Variants in MANBA observed in about 807,000 individuals in gnomAD.
MANBA encodes the protein beta-mannosidase.
Under a neutral mutation model 111.1 loss-of-function variants are expected in MANBA, and 83 were observed. That is an observed-to-expected ratio of 0.75 (90% confidence interval 0.63 to 0.90). The LOEUF (loss-of-function observed/expected upper bound fraction) is 0.90. MANBA is among the 40% of genes least tolerant of loss of function. The pLI, the probability that MANBA is intolerant of heterozygous loss-of-function variation, is 0.00. For synonymous variants in MANBA, 370 were observed against 378.7 expected (o/e 0.98, Z 0.27); for missense variants, 1,036 against 1,069.0 (o/e 0.97, Z 0.43).
Position 102,751,713 on chromosome 4 carries a change from T to C in MANBA, c.177+9005A>G, listed in dbSNP as rs1723807810. On this transcript the variant is annotated intron_variant, in intron 1 of 16. Coordinates refer to ENST00000647097, the MANE Select transcript of MANBA (RefSeq NM_005908.4). ...CATGTTCCATGATGACTGGATCCTT[T>C]CAGTTAAAGGGGCAAAGGAATGGAT... 2.6e-5 allele frequency: 14 copies of C among 542,238 alleles called. 1 individual carries two copies. Among genetic ancestry groups the C allele is most frequent in the South Asian group, 1.9e-4 (14 of 72,496 alleles). The allele number at this position is 542,238 out of a possible 1,614,324, so 33.6% of individuals were successfully genotyped here. A position where few individuals can be genotyped will look rare whatever the true frequency, so the allele number is the denominator to read the frequency against.
In MANBA at chr4:102,704,760, C is replaced by T. The variant is rs190790338; in HGVS notation, c.673+9678G>A. 1.8e-4 allele frequency among the ~76,000 whole-genome samples: 28 copies of T among 151,982 alleles called. No homozygotes were observed. The East Asian group carries it at 5.0e-3, about 27-fold the overall frequency. ...TGAAAAAAAAAATTCTGGAGAAACT[C>T]CTAAAGGTAGAACTCTTTTAATGCT... On this transcript the variant is annotated intron_variant, in intron 5 of 16. Transcript: ENST00000647097.
intron 4 of MANBA, among the ~76,000 whole-genome samples, chr4:102,718,907 G>A (rs976726516): frequency 9.3e-5 from 14 of 150,818 alleles, no homozygotes; most frequent in African/African-American, 2.7e-4. Flanking sequence ...TGTACAAACA[G>A]GGAGTAAGTC....
At chr4:102,715,414 CCTAA>C (rs570339398) in intron 4 of MANBA, among the ~76,000 whole-genome samples, 10 of 152,162 alleles carry the variant, frequency 6.6e-5, no homozygotes, top group African/African-American at 1.2e-4. Flanking sequence ...AACTCAGATT[CCTAA>C]CTAACAGAAG....
chr4:102,747,126 G>C (rs1324225797), intron 1 of MANBA, among the ~76,000 whole-genome samples: 1 of 150,838 alleles, frequency 6.6e-6, no homozygotes, highest in Non-Finnish European at 1.5e-5. Flanking sequence ...ATCTGTATTA[G>C]TCAGGGTTCT....
chr4:102,718,566 GA>G lies in MANBA; in HGVS notation c.550-4006del, dbSNP rs1218070575. On this transcript the variant is annotated intron_variant, in intron 4 of 16. Transcript: ENST00000647097. ...GGAAGATGGCATCAAACACTGGTAAGAGGGTAGCAGAAGTGATGAGTCCCAC... is the reference window on the plus strand; with the variant it reads ...GGAAGATGGCATCAAACACTGGTAAGGGGTAGCAGAAGTGATGAGTCCCAC... Among the ~76,000 whole-genome samples, 4 of 152,344 alleles carry G rather than the reference GA, an allele frequency of 2.6e-5. No individual in the cohort carries two copies. The South Asian group carries it at 6.2e-4, about 24-fold the overall frequency.
At position 102,734,181 on chromosome 4, in the gene MANBA, T is replaced by C. The variant is rs928387216; in HGVS notation, c.178-7498A>G. On this transcript the variant is annotated intron_variant, in intron 1 of 16. Coordinates refer to ENST00000647097, the MANE Select transcript of MANBA (RefSeq NM_005908.4). ...CACTCTGGTGGGGAATGTTGAAGAA[T>C]GGGATGCTGTGCATGCAAGGAGGTA... is the stretch of plus-strand genomic sequence containing the variant. Among the ~76,000 whole-genome samples, 7 of 152,236 alleles carry C rather than the reference T, an allele frequency of 4.6e-5. No homozygotes were observed. In the East Asian group the frequency reaches 1.2e-3, roughly 25 times the overall value.
chr4:102,714,516 G>T lies in MANBA; in HGVS notation c.595C>A (p.Gln199Lys). 1 of 1,606,406 alleles carries T rather than the reference G, an allele frequency of 6.2e-7. No homozygotes were observed. Among genetic ancestry groups the T allele is most frequent in the Non-Finnish European group, 8.5e-7 (1 of 1,173,028 alleles). ...SWDWGPSFPT[Q>K]GIWKDVRIEA... is the part of the protein sequence containing the mutation. ...ATTCTAACATCTTTCCAGATTCCCT[G>T]GGTAGGAAAGGAAGGCCCCCAGTCC... The change falls in exon 5 of 17, where the codon CAG becomes AAG. Residue 199 changes from glutamine (Q) to lysine (K), a missense_variant. Physicochemically the swap from Gln to Lys is moderately conservative, Grantham distance 53. Transcript: ENST00000647097.
At chr4:102,734,226 T>G (rs544089228) in intron 1 of MANBA, 2 of 799,752 alleles carry the variant, frequency 2.5e-6, no homozygotes, top group South Asian at 3.7e-5. Flanking sequence ...GTGAGAACCC[T>G]CTGTACTTTC....
rs1458657928 is a variant in MANBA, at chr4:102,722,880, A to G, written c.540T>C (p.Phe180=). ...TTTGAGAGACCATTACCTTCCGAAC[A>G]AAGTTGACATGGCATTCACCCTTCT... ...LVQKGECHVN[F]VRKEQCSFSW... The change falls in exon 4 of 17, where the codon TTT becomes TTC. Residue 180 remains phenylalanine (F), a synonymous_variant. Transcript: ENST00000647097. The G allele has an allele frequency of 3.1e-6, 5 of 1,614,122 alleles. No homozygotes were observed. The East Asian group carries it at 1.1e-4, about 36-fold the overall frequency.
At chr4:102,687,956 G>A (rs1732293275) in intron 7 of MANBA, among the ~76,000 whole-genome samples, 2 of 152,144 alleles carry the variant, frequency 1.3e-5, no homozygotes, top group Admixed American at 6.6e-5. Context: ...AAGGTGTGGG[G>A]CAGTTAAACA....
rs533334202 is a variant in MANBA at position 102,731,894 on chromosome 4, C to A, written c.178-5211G>T. ...TCCTTAAGTCTTTCTTCTCCTACCCCCTTTCCACTCTTTTTACACTTTTTT... is the reference window on the plus strand; with the variant it reads ...TCCTTAAGTCTTTCTTCTCCTACCCACTTTCCACTCTTTTTACACTTTTTT... On this transcript the variant is annotated intron_variant, in intron 1 of 16. Transcript: ENST00000647097. Among the ~76,000 whole-genome samples the A allele has an allele frequency of 3.2e-3, 481 of 150,738 alleles. 6 individuals carry two copies. The highest frequency in any genetic ancestry group is 0.011 in the African/African-American group (461 of 40,364).
At position 102,664,735 on chromosome 4, in the gene MANBA, TG is replaced by T. The variant is rs776601022; in HGVS notation, c.1434del (p.Lys479ArgfsTer4). ...HISFTDRPIYIKDYVTLYVKN... is the reference protein window; with the variant it reads ...HISFTDRPIYXKDYVTLYVKN... Reference sequence around the variant, plus strand: ...TTCACATAGAGTGTCACATAGTCCTTGATGTAGATTGGCCGGTCAGTGAAAC... The same window carrying T: ...TTCACATAGAGTGTCACATAGTCCTTATGTAGATTGGCCGGTCAGTGAAAC... On this transcript the variant is annotated frameshift_variant, in exon 11 of 17. Transcript: ENST00000647097. LOFTEE classifies it high-confidence loss of function. 7 of 1,613,386 alleles carry T rather than the reference TG, an allele frequency of 4.3e-6. No homozygotes were observed. The highest frequency in any genetic ancestry group is 3.3e-5 in the Admixed American group (2 of 60,014).
Position 102,631,938 on chromosome 4 carries a change from G to A in MANBA, c.*119C>T, listed in dbSNP as rs187693967. On this transcript the variant is annotated 3_prime_UTR_variant, in exon 17 of 17. Transcript: ENST00000647097. The stretch of plus-strand genomic sequence containing the variant: ...CTTCACAGAGCAATCGCTCAAATGC[G>A]TGGCAGCACGCAGACATGTCTCTCG... 5 of 874,908 alleles carry A rather than the reference G, an allele frequency of 5.7e-6. No homozygotes were observed. The highest frequency in any genetic ancestry group is 5.1e-5 in the East Asian group (2 of 39,080). The allele number at this position is 874,908 out of a possible 1,614,324, so 54.2% of individuals were successfully genotyped here.
intron 1 of MANBA, among the ~76,000 whole-genome samples, chr4:102,755,797 T>G (rs983764950): frequency 6.6e-5 from 10 of 151,922 alleles, no homozygotes; most frequent in Non-Finnish European, 1.3e-4. Context: ...AACAACCCCA[T>G]CAAAAAGTGG....
chr4:102,727,363 T>G, intron 1 of MANBA: 1 of 756,856 alleles, frequency 1.3e-6, no homozygotes, highest in Non-Finnish European at 2.3e-6. Context: ...CATTCTGCCT[T>G]GGACATCTTT....
intron 11 of MANBA, chr4:102,662,618 A>G (rs1454958380): frequency 6.4e-6 from 1 of 157,156 alleles, no homozygotes; most frequent in South Asian, 1.7e-4. Context: ...CAACGATGAC[A>G]CGCAAAGGGA....
chr4:102,750,007 ACTAT>A (rs1431219172), intron 1 of MANBA, among the ~76,000 whole-genome samples: 5 of 152,182 alleles, frequency 3.3e-5, no homozygotes, highest in African/African-American at 7.2e-5. Context: ...GATTTTTTAA[ACTAT>A]CTGTTTTTTT....
intron 1 of MANBA, among the ~76,000 whole-genome samples, chr4:102,759,095 C>T (rs1350036475): frequency 6.6e-6 from 1 of 151,536 alleles, no homozygotes; most frequent in African/African-American, 2.4e-5. Context: ...ATCTGACTTA[C>T]TGAAGCCACT....
At chr4:102,699,415 A>T (rs1434359008) in intron 5 of MANBA, among the ~76,000 whole-genome samples, 6 of 151,990 alleles carry the variant, frequency 3.9e-5, no homozygotes, top group Non-Finnish European at 5.9e-5. Flanking sequence ...ATGGTGAGAG[A>T]TGGCATCCCT....
Sources: allele counts gnomAD v4.1 joint callset (sites outside exome capture counted in the v4.1 genomes callset), GRCh38; gene constraint gnomAD v4.1.1; transcripts MANE v1.5; gene names NCBI Gene and HGNC (gene_info 2026-07-23, HGNC 2026-07-21).